GAREM1: variants seen among roughly 807,000 people sequenced by gnomAD.
GAREM1 encodes GRB2 associated regulator of MAPK1 subtype 1, also known as GRB2-associated and regulator of MAPK protein 1.
Under a neutral mutation model 71.3 loss-of-function variants are expected in GAREM1, and 26 were observed. The ratio of observed to expected loss-of-function variants is 0.36; its 90% CI spans 0.27 to 0.51. The LOEUF (loss-of-function observed/expected upper bound fraction) is 0.51, where lower values mean the gene tolerates loss of function less well. GAREM1 is among the 20% of genes least tolerant of loss of function. The probability of loss-of-function intolerance (pLI) is 0.95; values close to 1 mark genes in which losing one functional copy is unlikely to be tolerated. For synonymous variants in GAREM1, 440 were observed against 433.2 expected, an observed-to-expected ratio of 1.02 and a Z score of -0.20; for missense variants, 1,026 against 1,103.1, an observed-to-expected ratio of 0.93 and a Z score of 0.99.
chr18:32,466,481 T>G (rs2048999984), intron 1 of GAREM1, among the ~76,000 whole-genome samples: 2 of 152,162 alleles, frequency 1.3e-5, no homozygotes, highest in South Asian at 4.1e-4. Flanking sequence ...CATTTAAACT[T>G]AGAATGAAAA....
At chr18:32,300,402 G>A (rs2047187342) in intron 3 of GAREM1, among the ~76,000 whole-genome samples, 1 of 152,136 alleles carries the variant, frequency 6.6e-6, no homozygotes, top group Admixed American at 6.5e-5. Flanking sequence ...AAACCCTGAA[G>A]AATACTAAAT....
chr18:32,382,998 G>C (rs2048112118), intron 2 of GAREM1, among the ~76,000 whole-genome samples: 2 of 152,046 alleles, frequency 1.3e-5, no homozygotes, highest in Non-Finnish European at 1.5e-5. Context: ...TGGAAAAACG[G>C]AATCTTTCTC....
chr18:32,287,756 C>T lies in GAREM1; in HGVS notation c.841G>A (p.Val281Met). 6.2e-7 allele frequency: 1 copy of T among 1,613,766 alleles called. No homozygotes were observed. The change falls in exon 4 of 6, where the codon GTG becomes ATG. Residue 281 changes from valine (V) to methionine (M), a missense_variant. By Grantham distance (21) the Val-to-Met change is conservative. Coordinates refer to ENST00000269209, the MANE Select transcript of GAREM1 (RefSeq NM_001242409.2). The surrounding 1 kb of genome is among the most constrained non-coding windows in gnomAD (Gnocchi z 5.9). ...YKFVNIQTKTVVVCCVLRNNK... is the reference protein window; with the variant it reads ...YKFVNIQTKTMVVCCVLRNNK... ...TTCCGCAGCACACAGCAAACCACCA[C>T]CGTCTTGGTCTGGATGTTCACAAAC... is the stretch of plus-strand genomic sequence containing the variant.
At chr18:32,406,511 A>G (rs566086327) in intron 1 of GAREM1, among the ~76,000 whole-genome samples, 2 of 152,280 alleles carry the variant, frequency 1.3e-5, no homozygotes, top group Non-Finnish European at 2.9e-5. Context: ...AAAGAGGTGA[A>G]ATCATAGAAA....
intron 4 of GAREM1, among the ~76,000 whole-genome samples, chr18:32,280,353 A>G (rs2041596825): frequency 6.6e-6 from 1 of 152,230 alleles, no homozygotes; most frequent in Non-Finnish European, 1.5e-5. Context: ...GGGCATATCC[A>G]AAGTAATGAG....
chr18:32,429,700 A>T (rs1456711335), intron 1 of GAREM1, among the ~76,000 whole-genome samples: 1 of 152,198 alleles, frequency 6.6e-6, no homozygotes, highest in African/African-American at 2.4e-5. Context: ...TACCATTTTA[A>T]TCTATGCTGA....
In GAREM1 at chr18:32,319,304, G is replaced by C. The variant is rs561373237; in HGVS notation, c.263-8981C>G. Among the ~76,000 whole-genome samples, 5 of 152,184 alleles carry C rather than the reference G, an allele frequency of 3.3e-5. No individual in the cohort carries two copies. In the East Asian group the frequency reaches 7.7e-4, roughly 23 times the overall value. ...ATTTTTCAATAAGTAAATAAACCTG[G>C]GTAGGAATGTGGACTTACAAAACAA... On this transcript the variant is annotated intron_variant, in intron 2 of 5. Transcript: ENST00000269209.
At chr18:32,441,071 A>C (rs994848940) in intron 1 of GAREM1, among the ~76,000 whole-genome samples, 3 of 152,242 alleles carry the variant, frequency 2.0e-5, no homozygotes, top group Non-Finnish European at 4.4e-5. Flanking sequence ...AATAAAATAC[A>C]GAAGTTAGTA....
At chr18:32,387,403 A>G (rs989032510) in intron 2 of GAREM1, among the ~76,000 whole-genome samples, 1 of 152,166 alleles carries the variant, frequency 6.6e-6, no homozygotes, top group African/African-American at 2.4e-5. Flanking sequence ...TGCAGAAAAA[A>G]TCTTGAGTTC....
chr18:32,452,500 T>C (rs2144295250), intron 1 of GAREM1, among the ~76,000 whole-genome samples: 1 of 152,288 alleles, frequency 6.6e-6, no homozygotes, highest in South Asian at 2.1e-4. Flanking sequence ...AGTTCAGTGA[T>C]CAATTAACAT....
At chr18:32,376,242 C>G (rs1022040890) in intron 2 of GAREM1, among the ~76,000 whole-genome samples, 2 of 152,182 alleles carry the variant, frequency 1.3e-5, no homozygotes, top group Non-Finnish European at 2.9e-5. Flanking sequence ...ATTGACGTCT[C>G]AAGATTTAAT....
intron 1 of GAREM1, among the ~76,000 whole-genome samples, chr18:32,394,186 G>GCCA (rs2048229496): frequency 6.6e-6 from 1 of 152,160 alleles, no homozygotes; most frequent in African/African-American, 2.4e-5. Context: ...GATGGCTTGA[G>GCCA]TCCAGGAGTT....
Position 32,287,863 on chromosome 18 carries a change from A to T in GAREM1, c.734T>A (p.Leu245His). The T allele has an allele frequency of 6.2e-7, 1 of 1,613,390 alleles. No homozygotes were observed. The highest frequency in any genetic ancestry group is 8.5e-7 in the Non-Finnish European group (1 of 1,179,824). ...GCTTGGCACAGTCACATTCACAGGA[A>T]GCCTGGTTTTCTCCACAATGTTGCG... ...TIRNIVEKTR[L>H]PVNVTVPSPP... Residue 245 changes from leucine to histidine, a missense_variant, in exon 4 of 6, where the codon CTT becomes CAT. Leu to His is a moderately conservative substitution (Grantham distance 99). This residue lies in a region of GAREM1 where 218 missense variants were observed against 296.8 expected (regional missense o/e 0.73). Coordinates refer to ENST00000269209, the MANE Select transcript of GAREM1 (RefSeq NM_001242409.2). The surrounding 1 kb of genome is among the most constrained non-coding windows in gnomAD (Gnocchi z 5.9).
At chr18:32,412,318 C>T in intron 1 of GAREM1, 1 of 1,594,140 alleles carries the variant, frequency 6.3e-7, no homozygotes, top group Non-Finnish European at 8.5e-7. Flanking sequence ...CCATAGGGGC[C>T]AGAGTTTCTG....
chr18:32,368,713 C>A (rs1488773296), intron 2 of GAREM1, among the ~76,000 whole-genome samples: 1 of 152,218 alleles, frequency 6.6e-6, no homozygotes, highest in Non-Finnish European at 1.5e-5. Context: ...CCTTGCCCTA[C>A]ATACTTTTCT....
At chr18:32,376,201 A>G (rs1487605036) in intron 2 of GAREM1, among the ~76,000 whole-genome samples, 2 of 152,256 alleles carry the variant, frequency 1.3e-5, no homozygotes, top group African/African-American at 4.8e-5. Flanking sequence ...ATGCCAGTAA[A>G]GAATCACTTG....
rs1323270169 is a variant in GAREM1 at position 32,263,994 on chromosome 18, C to A, written c.*3877G>T. On this transcript the variant is annotated 3_prime_UTR_variant, in exon 6 of 6. Coordinates refer to ENST00000269209, the MANE Select transcript of GAREM1 (RefSeq NM_001242409.2). ...ATTTGTATATAGTTTAAACTGAAAT[C>A]ACGTTTATTCCTTGTTTCTGGCTAT... 6.6e-6 allele frequency: 1 copy of A among 152,146 alleles called. No individual in the cohort carries two copies. 9.4% of individuals were successfully genotyped at this position (152,146 alleles called of 1,614,324 possible).
In GAREM1 at chr18:32,270,259, G is replaced by C; in HGVS notation, c.1691C>G (p.Pro564Arg). 6.2e-7 allele frequency: 1 copy of C among 1,614,022 alleles called. No individual in the cohort carries two copies. The highest frequency in any genetic ancestry group is 8.5e-7 in the Non-Finnish European group (1 of 1,179,962). Residue 564 changes from proline (P) to arginine (R), a missense_variant, in exon 5 of 6, where the codon CCC becomes CGC. Transcript: ENST00000269209. ...VKPARQQTRS[P>R]SPTLSYYSSG... is the part of the protein sequence containing the mutation. ...AGAATAGTAGGACAAGGTGGGGCTG[G>C]GAGAGCGAGTCTGTTGCCGCGCTGG... is the stretch of plus-strand genomic sequence containing the variant.
At chr18:32,364,120 C>T (rs1267357368) in intron 2 of GAREM1, among the ~76,000 whole-genome samples, 17 of 144,658 alleles carry the variant, frequency 1.2e-4, no homozygotes, top group African/African-American at 3.3e-4. Flanking sequence ...CTGCAACCTC[C>T]ACCTCCCAGA....
Sources: allele counts gnomAD v4.1 joint callset (sites outside exome capture counted in the v4.1 genomes callset), GRCh38; gene constraint gnomAD v4.1.1; regional missense constraint gnomAD v4.1.1; non-coding constraint Gnocchi (gnomAD v3.1); transcripts MANE v1.5; gene names NCBI Gene and HGNC (gene_info 2026-07-23, HGNC 2026-07-21).